DSG2: variants seen among roughly 807,000 people sequenced by gnomAD.
DSG2 encodes desmoglein-2.
A neutral mutation model predicts 75.6 loss-of-function variants in DSG2; 45 were observed. The observed-to-expected ratio is 0.60, with a 90% CI of 0.47 to 0.76. The LOEUF is 0.76. Ranked by LOEUF, DSG2 falls within the 30% of genes least tolerant of loss-of-function variation. DSG2 has a pLI of 0.00. For missense variants in DSG2, 1,267 were observed against 1,357.4 expected (o/e 0.93, Z 1.05); for synonymous variants, 429 against 483.9 (o/e 0.89, Z 1.49).
chr18:31,541,656 A>G (rs965941259), intron 13 of DSG2, among the ~76,000 whole-genome samples: 2 of 152,108 alleles, frequency 1.3e-5, no homozygotes, highest in Non-Finnish European at 2.9e-5. Context: ...CCCTCAATAC[A>G]TAGGGTTTGC....
chr18:31,537,437 G>T, intron 11 of DSG2, among the ~76,000 whole-genome samples: 1 of 152,102 alleles, frequency 6.6e-6, no homozygotes, highest in Non-Finnish European at 1.5e-5. Context: ...GGCTAACACG[G>T]TGAAACCCCG....
At chr18:31,522,448 T>C (rs952959352) in intron 6 of DSG2, 199 bp downstream of exon 6, 3 of 557,366 alleles carry the variant, frequency 5.4e-6, no homozygotes, top group Non-Finnish European at 9.5e-6. Flanking sequence ...CTGGCCCAAA[T>C]TGTAATGTGC....
rs727502984 is a variant in DSG2, at chr18:31,524,539, G to A, written c.782G>A (p.Arg261His). 24 of 1,613,922 alleles carry A rather than the reference G, an allele frequency of 1.5e-5. No individual in the cohort carries two copies. Among genetic ancestry groups the A allele is most frequent in the East Asian group, 2.2e-5 (1 of 44,872 alleles). Reference sequence around the variant, plus strand: ...GTAAAACAAGCTCAAGTTCAGATTCGTATTTTGGATGTCAATGACAATATA... The same window carrying A: ...GTAAAACAAGCTCAAGTTCAGATTCATATTTTGGATGTCAATGACAATATA... ...KPVKQAQVQI[R>H]ILDVNDNIPV... The change falls in exon 7 of 15, where the codon CGT (arginine) becomes CAT (histidine). Residue 261 changes from arginine (R) to histidine (H), a missense_variant. Physicochemically the swap from Arg to His is conservative, Grantham distance 29. Coordinates refer to ENST00000261590, the MANE Select transcript of DSG2 (RefSeq NM_001943.5).
In DSG2 at chr18:31,524,904, T is replaced by A. The variant is rs1467367073; in HGVS notation, c.1014+16T>A. ...CCTTATTAAGGTAAGTACTAAGTATTCAAAACTGGCGTGGGCCAAGTTGGT... is the reference window on the plus strand; with the variant it reads ...CCTTATTAAGGTAAGTACTAAGTATACAAAACTGGCGTGGGCCAAGTTGGT... On this transcript the variant is annotated intron_variant, in intron 8 of 14. Transcript: ENST00000261590. 6.2e-7 allele frequency: 1 copy of A among 1,613,706 alleles called. No individual in the cohort carries two copies. Among genetic ancestry groups the A allele is most frequent in the South Asian group, 1.1e-5 (1 of 91,070 alleles).
chr18:31,500,410 A>C (rs980292563), intron 1 of DSG2, among the ~76,000 whole-genome samples: 28 of 152,150 alleles, frequency 1.8e-4, no homozygotes, highest in Non-Finnish European at 7.3e-5. Context: ...CTGCAGACCC[A>C]TGCATGCCAC....
At chr18:31,506,469 C>T (rs1041789459) in intron 1 of DSG2, among the ~76,000 whole-genome samples, 17 of 152,298 alleles carry the variant, frequency 1.1e-4, no homozygotes, top group Admixed American at 7.2e-4. Flanking sequence ...ACCAATGAAA[C>T]GCCTGCTTCC....
intron 3 of DSG2, 24 bp from the exon 4 acceptor site, chr18:31,520,779 A>T: frequency 6.2e-7 from 1 of 1,612,186 alleles, no homozygotes; most frequent in Non-Finnish European, 8.5e-7. Context: ...TCAACCTGAA[A>T]CATTCCTGTT....
At chr18:31,514,856 A>G (rs892942060) in intron 1 of DSG2, among the ~76,000 whole-genome samples, 1 of 152,218 alleles carries the variant, frequency 6.6e-6, no homozygotes, top group Non-Finnish European at 1.5e-5. Flanking sequence ...CATATGATGA[A>G]TTTACGTTTG....
At chr18:31,502,409 T>G (rs115984568) in intron 1 of DSG2, among the ~76,000 whole-genome samples, 1 of 152,206 alleles carries the variant, frequency 6.6e-6, no homozygotes, top group African/African-American at 2.4e-5. Flanking sequence ...AAATTACACA[T>G]TGAATAGGGA....
chr18:31,542,298 G>T (rs2073273023), intron 13 of DSG2: 2 of 600,952 alleles, frequency 3.3e-6, no homozygotes, highest in Non-Finnish European at 5.9e-6. Context: ...TTTGGGCTTT[G>T]TTTTCTCTTT....
intron 1 of DSG2, among the ~76,000 whole-genome samples, chr18:31,517,999 T>C (rs980691533): frequency 6.6e-6 from 1 of 152,180 alleles, no homozygotes; most frequent in African/African-American, 2.4e-5. Flanking sequence ...TTGTTTGTTT[T>C]TTAAGATACT....
chr18:31,509,210 A>C (rs1255155669), intron 1 of DSG2, among the ~76,000 whole-genome samples: 1 of 152,206 alleles, frequency 6.6e-6, no homozygotes, highest in African/African-American at 2.4e-5. Context: ...AAATTCTATG[A>C]GTTAATAAAA....
At position 31,546,953 on chromosome 18, in the gene DSG2, T is replaced by C. The variant is rs1314247735; in HGVS notation, c.*210T>C. On this transcript the variant is annotated 3_prime_UTR_variant, in exon 15 of 15. Coordinates refer to ENST00000261590, the MANE Select transcript of DSG2 (RefSeq NM_001943.5). ...AATGTTCCACAATTTACTGAAGACA[T>C]AGAGATGATGCTGCTGCTTAGGTGC... 3.1e-6 allele frequency: 2 copies of C among 644,786 alleles called. No individual in the cohort carries two copies. The highest frequency in any genetic ancestry group is 2.8e-6 in the Non-Finnish European group (1 of 360,690). The allele number at this position is 644,786 out of a possible 1,614,324, so 39.9% of individuals were successfully genotyped here.
intron 1 of DSG2, among the ~76,000 whole-genome samples, chr18:31,513,693 G>A (rs558277042): frequency 3.9e-5 from 6 of 152,250 alleles, no homozygotes; most frequent in South Asian, 4.2e-4. Flanking sequence ...TCTCCTCCCC[G>A]CTTCCCTCTG....
chr18:31,522,487 C>T, intron 6 of DSG2: 1 of 359,744 alleles, frequency 2.8e-6, no homozygotes, highest in South Asian at 5.9e-5. Context: ...GTAATATATG[C>T]ACCAGATTTG....
At chr18:31,509,100 A>C (rs2073053723) in intron 1 of DSG2, among the ~76,000 whole-genome samples, 1 of 152,268 alleles carries the variant, frequency 6.6e-6, no homozygotes, top group South Asian at 2.1e-4. Flanking sequence ...GGGAAAAAAT[A>C]GGAACTGTCC....
chr18:31,507,770 G>A (rs1167520488), intron 1 of DSG2, among the ~76,000 whole-genome samples: 1 of 152,114 alleles, frequency 6.6e-6, no homozygotes, highest in Non-Finnish European at 1.5e-5. Context: ...TTTTGATAGG[G>A]CTGAGTGTTT....
In DSG2 at chr18:31,538,996, A is replaced by T; in HGVS notation, c.1879+18A>T. The T allele has an allele frequency of 6.2e-7, 1 of 1,607,742 alleles. No individual in the cohort carries two copies. The highest frequency in any genetic ancestry group is 8.5e-7 in the Non-Finnish European group (1 of 1,176,930). On this transcript the variant is annotated intron_variant, in intron 12 of 14. Coordinates refer to ENST00000261590, the MANE Select transcript of DSG2 (RefSeq NM_001943.5). ...CCTGCTATGTAAGTCTTTAAAAGCC[A>T]CTCTGTTGTGCTTTTGGGAATCTGA... is the stretch of plus-strand genomic sequence containing the variant.
rs1568104882 is a variant in DSG2 at position 31,519,926 on chromosome 18, C to G, written c.205C>G (p.Pro69Ala). The change falls in exon 3 of 15, where the codon CCA (proline) becomes GCA (alanine). Residue 69 changes from proline (P) to alanine (A), a missense_variant. Transcript: ENST00000261590. ...REGEDLSKKNPIAKIHSDLAE... is the reference protein window; with the variant it reads ...REGEDLSKKNAIAKIHSDLAE... ...GGGAGAGGATCTGTCCAAGAAGAAT[C>G]CAATTGCCAAGGTACCTCCTAAAGA... 6.2e-7 allele frequency: 1 copy of G among 1,613,964 alleles called. No individual in the cohort carries two copies. Among genetic ancestry groups the G allele is most frequent in the Non-Finnish European group, 8.5e-7 (1 of 1,180,010 alleles).
Sources: allele counts gnomAD v4.1 joint callset (sites outside exome capture counted in the v4.1 genomes callset), GRCh38; gene constraint gnomAD v4.1.1; transcripts MANE v1.5; gene names NCBI Gene and HGNC (gene_info 2026-07-23, HGNC 2026-07-21).